The following SPACA9 variants were observed in gnomAD, a reference collection of about 807,000 sequenced individuals.
The protein encoded by SPACA9 is sperm acrosome associated 9, also known as sperm acrosome-associated protein 9.
A neutral mutation model predicts 12.5 loss-of-function variants in SPACA9; 14 were observed. That is an observed-to-expected ratio of 1.12 (90% CI 0.74 to 1.75). The LOEUF (loss-of-function observed/expected upper bound fraction) is 1.75. Ranked by LOEUF, SPACA9 falls within the 40% of genes most tolerant of loss-of-function variation. The probability of loss-of-function intolerance (pLI) is 0.00; values close to 1 mark genes in which losing one functional copy is unlikely to be tolerated. For synonymous variants in SPACA9, 111 were observed against 114.1 expected (o/e 0.97, Z 0.17); for missense variants, 292 against 291.9 (o/e 1.00, Z 0.00).
At chr9:132,883,355 C>T (rs1219093501) in intron 1 of SPACA9, among the ~76,000 whole-genome samples, 1 of 152,214 alleles carries the variant, frequency 6.6e-6, no homozygotes, top group East Asian at 1.9e-4. Context: ...CCGCTTAATC[C>T]ATGGGAAGGA....
chr9:132,888,513 AG>A lies in SPACA9; in HGVS notation c.574del (p.Ala192ProfsTer46). 6.3e-7 allele frequency: 1 copy of A among 1,583,810 alleles called. No homozygotes were observed. The highest frequency in any genetic ancestry group is 2.3e-5 in the East Asian group (1 of 42,600). ...TGCCCAGGCCATAGGGACCCAGCCC[AG>A]GGCCACTAAACACAAGTGTAGACAG... is the stretch of plus-strand genomic sequence containing the variant. ...RPAQAIGTQP[R>X]ATKHKCRQLT... On this transcript the variant is annotated frameshift_variant, in exon 4 of 4. Transcript: ENST00000356311. LOFTEE classifies it low-confidence loss of function (END_TRUNC). The surrounding 1 kb of genome is among the most constrained non-coding windows in gnomAD (Gnocchi z 5.0).
chr9:132,885,255 G>A (rs149124886), intron 2 of SPACA9, among the ~76,000 whole-genome samples: 3,433 of 151,172 alleles, frequency 0.023, 135 homozygotes, highest in African/African-American at 0.079. Context: ...GGCTCATGCC[G>A]GTAATCCCAG....
rs906060149 is a variant in SPACA9, at chr9:132,889,574, T to TTATA, written c.*975_*978dup. On this transcript the variant is annotated 3_prime_UTR_variant, in exon 4 of 4. Transcript: ENST00000356311. ...GCGCCCACCACCCCACCTGGCTAATTTATATATATATATATTTTTTAGTAG... is the reference window on the plus strand; with the variant it reads ...GCGCCCACCACCCCACCTGGCTAATTTATATATATATATATATATTTTTTAGTAG... 9.0e-6 allele frequency: 3 copies of TTATA among 334,704 alleles called. No homozygotes were observed. Among genetic ancestry groups the TTATA allele is most frequent in the Non-Finnish European group, 1.3e-5 (3 of 236,294 alleles). The allele number at this position is 334,704 out of a possible 1,614,324, so 20.7% of individuals were successfully genotyped here.
chr9:132,883,202 A>G (rs954739403), intron 1 of SPACA9, among the ~76,000 whole-genome samples: 1 of 152,132 alleles, frequency 6.6e-6, no homozygotes, highest in African/African-American at 2.4e-5. Context: ...CATTCCAGCA[A>G]TTAACAGGGT....
At chr9:132,886,613 T>A (rs1398793096) in intron 2 of SPACA9, among the ~76,000 whole-genome samples, 1 of 152,192 alleles carries the variant, frequency 6.6e-6, no homozygotes, top group East Asian at 1.9e-4. Flanking sequence ...CTGGGCGGGT[T>A]ATTTCACCTC....
chr9:132,878,404 C>G (rs1336857402), upstream of SPACA9: 6 of 1,240,040 alleles, frequency 4.8e-6, no homozygotes, highest in Middle Eastern at 3.1e-4. The surrounding 1 kb of genome is among the most constrained non-coding windows in gnomAD (Gnocchi z 4.7). Context: ...GCCCCCGCCC[C>G]GACCTCCCCG....
rs1470610656 is a variant in SPACA9 at position 132,888,334 on chromosome 9, G to A, written c.392G>A (p.Arg131Gln). The stretch of plus-strand genomic sequence containing the variant: ...AACCACCTCAGCTGTGACGAGGCCC[G>A]GAACCACTACGGCGGCGTGGTCAGC... ...VVNHLSCDEA[R>Q]NHYGGVVSLI... The change falls in exon 4 of 4, where the codon CGG becomes CAG. Residue 131 changes from arginine (R) to glutamine (Q), a missense_variant. Arg to Gln is a conservative substitution (Grantham distance 43). Coordinates refer to ENST00000356311, the MANE Select transcript of SPACA9 (RefSeq NM_001316897.2). The surrounding 1 kb of genome is among the most constrained non-coding windows in gnomAD (Gnocchi z 5.0). The A allele has an allele frequency of 3.1e-6, 5 of 1,613,892 alleles. No homozygotes were observed. The highest frequency in any genetic ancestry group is 2.2e-5 in the East Asian group (1 of 44,884).
rs73660290 is a variant in SPACA9, at chr9:132,888,157, G to A, written c.348-133G>A. On this transcript the variant is annotated intron_variant, in intron 3 of 3. Coordinates refer to ENST00000356311, the MANE Select transcript of SPACA9 (RefSeq NM_001316897.2). The surrounding 1 kb of genome is among the most constrained non-coding windows in gnomAD (Gnocchi z 5.0). ...CTGCCAGAATCTCTGGGGACAGAGC[G>A]CCTCAGCGTGCTGTGTGTCCAGTTC... 1.6e-3 allele frequency: 2,258 copies of A among 1,402,874 alleles called. 26 individuals are homozygous for A. The African/African-American group carries it at 0.027, about 17-fold the overall frequency. 86.9% of individuals were successfully genotyped at this position (1,402,874 alleles called of 1,614,324 possible). A position where few individuals can be genotyped will look rare whatever the true frequency, so the allele number is the denominator to read the frequency against.
intron 1 of SPACA9, among the ~76,000 whole-genome samples, chr9:132,880,812 G>T (rs1844396505): frequency 1.3e-5 from 2 of 151,744 alleles, no homozygotes; most frequent in South Asian, 4.2e-4. Flanking sequence ...GTATGGCAAG[G>T]TGCAGCTATC....
Position 132,887,299 on chromosome 9 carries a change from C to T in SPACA9, c.145-70C>T. 7.0e-7 allele frequency: 1 copy of T among 1,419,474 alleles called. No homozygotes were observed. The highest frequency in any genetic ancestry group is 9.8e-7 in the Non-Finnish European group (1 of 1,019,614). 87.9% of individuals were successfully genotyped at this position (1,419,474 alleles called of 1,614,324 possible). A position where few individuals can be genotyped will look rare whatever the true frequency, so the allele number is the denominator to read the frequency against. On this transcript the variant is annotated intron_variant, in intron 2 of 3. Transcript: ENST00000356311. This position sits in a 1 kb window ranked among gnomAD's most constrained non-coding sequence, Gnocchi z 5.4. ...AGGGAGTAGGGTGGGTGCTTCTGGA[C>T]ATTTGCACCATAAGCCAGCCAGGAC...
Position 132,884,110 on chromosome 9 carries a change from A to C in SPACA9, c.144+19A>C, listed in dbSNP as rs1390397680. 6.2e-7 allele frequency: 1 copy of C among 1,604,660 alleles called. No homozygotes were observed. The highest frequency in any genetic ancestry group is 1.1e-5 in the South Asian group (1 of 90,870). On this transcript the variant is annotated intron_variant, in intron 2 of 3. Coordinates refer to ENST00000356311, the MANE Select transcript of SPACA9 (RefSeq NM_001316897.2). ...TGGACAGGTGGGGCTCCCGACCCCC[A>C]CCCCGGCCGAGGGGCAACAAGCCCA...
At chr9:132,880,977 C>A (rs971177026) in intron 1 of SPACA9, among the ~76,000 whole-genome samples, 2 of 151,946 alleles carry the variant, frequency 1.3e-5, no homozygotes, top group African/African-American at 4.8e-5. Context: ...CGCCCGCCAC[C>A]GTGCCCGGCT....
intron 1 of SPACA9, among the ~76,000 whole-genome samples, chr9:132,880,659 A>G (rs1844388085): frequency 6.6e-6 from 1 of 152,142 alleles, no homozygotes; most frequent in Non-Finnish European, 1.5e-5. Flanking sequence ...TCAATCATTG[A>G]GGTGGATGTT....
chr9:132,881,272 G>GAAAAAAAAAAAAAA (rs776094730), intron 1 of SPACA9, among the ~76,000 whole-genome samples: 1 of 80,120 alleles, frequency 1.2e-5, no homozygotes, highest in South Asian at 3.0e-4. Context: ...CAAAAAAAAA[G>GAAAAAAAAAAAAAA]AAAAAAAAAA....
rs1844613092 is a variant in SPACA9 at position 132,887,824 on chromosome 9, C to T, written c.347+253C>T. On this transcript the variant is annotated intron_variant, in intron 3 of 3. Coordinates refer to ENST00000356311, the MANE Select transcript of SPACA9 (RefSeq NM_001316897.2). This position sits in a 1 kb window ranked among gnomAD's most constrained non-coding sequence, Gnocchi z 5.4. ...GCAGGTGGAGAAGGGGGTGTAGAGC[C>T]CAGAGCAGTTGCCCCCAGAAGCCCA... Among the ~76,000 whole-genome samples the T allele has an allele frequency of 6.6e-6, 1 of 151,530 alleles. No homozygotes were observed. Among genetic ancestry groups the T allele is most frequent in the East Asian group, 1.9e-4 (1 of 5,162 alleles).
At position 132,883,932 on chromosome 9, in the gene SPACA9, A is replaced by C. The variant is rs759889202; in HGVS notation, c.-16A>C. The C allele has an allele frequency of 6.2e-6, 10 of 1,613,406 alleles. No individual in the cohort carries two copies. In the African/African-American group the frequency reaches 1.3e-4, roughly 22 times the overall value. On this transcript the variant is annotated 5_prime_UTR_variant, in exon 2 of 4. Coordinates refer to ENST00000356311, the MANE Select transcript of SPACA9 (RefSeq NM_001316897.2). ...ATAGATTCCTCTTCTCCTGTAAATGACCACAGAGGAAGACAATGAATGAGG... is the reference window on the plus strand; with the variant it reads ...ATAGATTCCTCTTCTCCTGTAAATGCCCACAGAGGAAGACAATGAATGAGG...
At chr9:132,885,703 T>C (rs1844546890) in intron 2 of SPACA9, among the ~76,000 whole-genome samples, 2 of 152,136 alleles carry the variant, frequency 1.3e-5, no homozygotes, top group Non-Finnish European at 2.9e-5. Flanking sequence ...GAAAAGAAAC[T>C]GCCTACATCC....
chr9:132,889,997 G>A lies in SPACA9; in HGVS notation c.*1386G>A, dbSNP rs1205711960. On this transcript the variant is annotated 3_prime_UTR_variant, in exon 4 of 4. Transcript: ENST00000356311. ...CTGTATTATTGTTGCTTCCTCAGGG[G>A]GAGACAGTCAAGAATAAAAAGTATT... The A allele has an allele frequency of 6.7e-7, 1 of 1,484,004 alleles. No homozygotes were observed. The allele number at this position is 1,484,004 out of a possible 1,614,324, so 91.9% of individuals were successfully genotyped here.
At chr9:132,879,358 A>G (rs1447363119) in intron 1 of SPACA9, among the ~76,000 whole-genome samples, 1 of 152,126 alleles carries the variant, frequency 6.6e-6, no homozygotes, top group Non-Finnish European at 1.5e-5. Context: ...CCTTATGGAG[A>G]GGGAAAATGG....
Sources: allele counts gnomAD v4.1 joint callset (sites outside exome capture counted in the v4.1 genomes callset), GRCh38; gene constraint gnomAD v4.1.1; non-coding constraint Gnocchi (gnomAD v3.1); transcripts MANE v1.5; gene names NCBI Gene and HGNC (gene_info 2026-07-23, HGNC 2026-07-21).